WDFY3: variants seen among roughly 807,000 people sequenced by gnomAD.
The protein encoded by WDFY3 is WD repeat and FYVE domain containing 3, also known as WD repeat and FYVE domain-containing protein 3.
WDFY3 carries 66 observed loss-of-function variants against 409.6 expected under a neutral mutation model. That is an observed-to-expected ratio of 0.16 (90% confidence interval 0.13 to 0.20). The LOEUF (loss-of-function observed/expected upper bound fraction) is 0.20. Ranked by LOEUF, WDFY3 falls within the 10% of genes least tolerant of loss-of-function variation. The probability of loss-of-function intolerance (pLI) is 1.00; values close to 1 mark genes in which losing one functional copy is unlikely to be tolerated. For missense variants in WDFY3, 3,031 were observed against 4,298.1 expected (o/e 0.71, Z 8.24); for synonymous variants, 1,521 against 1,537.1 (o/e 0.99, Z 0.25).
intron 1 of WDFY3, among the ~76,000 whole-genome samples, chr4:84,948,417 TAATAG>T (rs1467355803): frequency 8.5e-5 from 13 of 152,048 alleles, no homozygotes; most frequent in Admixed American, 3.9e-4. Context: ...CAACAATACT[TAATAG>T]TATATAGAAA....
chr4:84,960,237 A>G (rs540386229), intron 1 of WDFY3, among the ~76,000 whole-genome samples: 4 of 152,302 alleles, frequency 2.6e-5, no homozygotes, highest in East Asian at 3.9e-4. Context: ...TTAATGCTAC[A>G]CAGCCACTTC....
At chr4:84,787,399 G>A in intron 23 of WDFY3, 83 bp downstream of exon 23, 1 of 1,339,566 alleles carries the variant, frequency 7.5e-7, no homozygotes, top group South Asian at 1.4e-5. Context: ...TTAACAATAT[G>A]TATAACCTCA....
intron 16 of WDFY3, 79 bp from the exon 17 acceptor site, chr4:84,801,943 CT>C: frequency 1.4e-6 from 2 of 1,407,894 alleles, no homozygotes; most frequent in African/African-American, 1.4e-5. Flanking sequence ...TGAAGCATAC[CT>C]TTTTAATTTT....
Position 84,736,471 on chromosome 4 carries a change from T to C in WDFY3, c.6758-144A>G, listed in dbSNP as rs1737446079. ...CAGATGCAGATATTACATTCAGATA[T>C]CACAAATTTATTTATTGGTAATCTT... On this transcript the variant is annotated intron_variant, in intron 41 of 67. Transcript: ENST00000295888. 1.9e-5 allele frequency: 14 copies of C among 744,604 alleles called. No homozygotes were observed. In the South Asian group the frequency reaches 5.3e-4, roughly 28 times the overall value. The allele number at this position is 744,604 out of a possible 1,614,324, so 46.1% of individuals were successfully genotyped here.
In WDFY3 at chr4:84,753,375, T is replaced by C. The variant is rs572348542; in HGVS notation, c.5739+322A>G. On this transcript the variant is annotated intron_variant, in intron 35 of 67. Coordinates refer to ENST00000295888, the MANE Select transcript of WDFY3 (RefSeq NM_014991.6). ...GAGTTATCTTAATGGAAAAGAACATTTTACAACTACACAGCTGGCATCGCG... is the reference window on the plus strand; with the variant it reads ...GAGTTATCTTAATGGAAAAGAACATCTTACAACTACACAGCTGGCATCGCG... Among the ~76,000 whole-genome samples, 11 of 152,210 alleles carry C rather than the reference T, an allele frequency of 7.2e-5. No homozygotes were observed. In the East Asian group the frequency reaches 2.1e-3, roughly 29 times the overall value.
intron 2 of WDFY3, among the ~76,000 whole-genome samples, chr4:84,901,416 T>C (rs774451079): frequency 2.8e-4 from 43 of 152,190 alleles, no homozygotes; most frequent in Non-Finnish European, 7.3e-5. Context: ...TAGCATGTGA[T>C]GTCCCCTACC....
In WDFY3 at chr4:84,849,994, G is replaced by A. The variant is rs374101641; in HGVS notation, c.212C>T (p.Thr71Ile). ...VFGNAPPNTM[T>I]EKFSDLLQFT... is the part of the protein sequence containing the mutation. ...CTGCAGAAGATCAGAAAATTTTTCT[G>A]TCATTGTATTCGGCGGAGCATTTCC... Residue 71 changes from threonine (T) to isoleucine (I), a missense_variant, in exon 5 of 68, where the codon ACA becomes ATA. By Grantham distance (89) the Thr-to-Ile change is moderately conservative. Coordinates refer to ENST00000295888, the MANE Select transcript of WDFY3 (RefSeq NM_014991.6). 5 of 1,608,310 alleles carry A rather than the reference G, an allele frequency of 3.1e-6. No homozygotes were observed. The African/African-American group carries it at 6.7e-5, about 22-fold the overall frequency.
chr4:84,787,559 A>G lies in WDFY3; in HGVS notation c.3824T>C (p.Leu1275Ser). ...AATGGTAGTAACATTTGAAGAAGGT[A>G]AAACTTCTTCTAGAAAATGTGTGGG... is the stretch of plus-strand genomic sequence containing the variant. ...LGPTHFLEEV[L>S]PSSNVTTIYE... The change falls in exon 23 of 68, where the codon TTA (leucine) becomes TCA (serine). Residue 1275 changes from leucine (L) to serine (S), a missense_variant. By Grantham distance (145) the Leu-to-Ser change is moderately radical. Transcript: ENST00000295888. The G allele has an allele frequency of 1.9e-6, 3 of 1,614,234 alleles. No individual in the cohort carries two copies. The highest frequency in any genetic ancestry group is 1.7e-6 in the Non-Finnish European group (2 of 1,180,038).
chr4:84,965,193 A>C (rs1775475368), intron 1 of WDFY3, among the ~76,000 whole-genome samples: 1 of 152,186 alleles, frequency 6.6e-6, no homozygotes. Context: ...ACCTGCTACC[A>C]AATACCAACC....
At chr4:84,736,102 G>A in intron 42 of WDFY3, 68 bp downstream of exon 42, 1 of 1,452,702 alleles carries the variant, frequency 6.9e-7, no homozygotes, top group South Asian at 1.6e-5. Flanking sequence ...CCAATCAATT[G>A]CTTGTACATG....
At chr4:84,932,819 G>A (rs1211524000) in intron 1 of WDFY3, among the ~76,000 whole-genome samples, 1 of 152,148 alleles carries the variant, frequency 6.6e-6, no homozygotes, top group East Asian at 1.9e-4. Flanking sequence ...GAGCTGAATT[G>A]ATTTGTTCTA....
Position 84,796,572 on chromosome 4 carries a change from G to A in WDFY3, c.3116C>T (p.Ser1039Leu). ...TTPHDIRLHGSSVTPAFVEFD... is the reference protein window; with the variant it reads ...TTPHDIRLHGLSVTPAFVEFD... ...TTCAACAAAAGCTGGAGTAACTGAT[G>A]ACCCATGAAGTCTGATGTCATGTGG... Residue 1039 changes from serine (S) to leucine (L), a missense_variant, in exon 19 of 68, where the codon TCA becomes TTA. Ser to Leu is a moderately radical substitution (Grantham distance 145). This residue lies in a region of WDFY3 where 1,322 missense variants were observed against 1,697.9 expected (regional missense o/e 0.78). Transcript: ENST00000295888. 1 of 1,607,408 alleles carries A rather than the reference G, an allele frequency of 6.2e-7. No individual in the cohort carries two copies. The highest frequency in any genetic ancestry group is 8.5e-7 in the Non-Finnish European group (1 of 1,176,566).
Position 84,726,847 on chromosome 4 carries a change from A to G in WDFY3, c.7272+14T>C, listed in dbSNP as rs1186987306. Reference sequence around the variant, plus strand: ...CAAGTAGTTTACATTCTTTTACTGTAATTTGTGTTTTACCTTTTGAGGAAT... The same window carrying G: ...CAAGTAGTTTACATTCTTTTACTGTGATTTGTGTTTTACCTTTTGAGGAAT... On this transcript the variant is annotated intron_variant, in intron 45 of 67. Coordinates refer to ENST00000295888, the MANE Select transcript of WDFY3 (RefSeq NM_014991.6). 3.8e-6 allele frequency: 6 copies of G among 1,592,426 alleles called. No homozygotes were observed. Among genetic ancestry groups the G allele is most frequent in the Non-Finnish European group, 5.1e-6 (6 of 1,174,064 alleles).
intron 57 of WDFY3, 107 bp downstream of exon 57, chr4:84,696,625 C>T (rs1730197840): frequency 2.7e-6 from 3 of 1,098,856 alleles, no homozygotes; most frequent in African/African-American, 1.6e-5. Context: ...GGGGACCTGG[C>T]TGTATTAGTA....
At chr4:84,707,150 G>C (rs1467335181) in intron 53 of WDFY3, among the ~76,000 whole-genome samples, 1 of 151,892 alleles carries the variant, frequency 6.6e-6, no homozygotes, top group Admixed American at 6.6e-5. Flanking sequence ...GGCTGGTCTT[G>C]AACTCCTGGA....
At position 84,695,878 on chromosome 4, in the gene WDFY3, C is replaced by A. The variant is rs540302341; in HGVS notation, c.8901+92G>T. On this transcript the variant is annotated intron_variant, in intron 58 of 67. Transcript: ENST00000295888. ...ATTTATGGCTCTTTATTAAGTTAAT[C>A]TAAACTTAATTATTTTGTGGTAATC... The A allele has an allele frequency of 4.9e-5, 59 of 1,206,712 alleles. No individual in the cohort carries two copies. In the African/African-American group the frequency reaches 7.7e-4, roughly 16 times the overall value. The allele number at this position is 1,206,712 out of a possible 1,614,324, so 74.8% of individuals were successfully genotyped here.
intron 1 of WDFY3, among the ~76,000 whole-genome samples, chr4:84,950,004 T>C (rs550516009): frequency 1.3e-5 from 2 of 152,106 alleles, no homozygotes; most frequent in Non-Finnish European, 2.9e-5. Context: ...AACCCAAATG[T>C]CCACTGATGA....
At chr4:84,875,458 T>C (rs952372880) in intron 3 of WDFY3, among the ~76,000 whole-genome samples, 10 of 152,294 alleles carry the variant, frequency 6.6e-5, no homozygotes, top group Non-Finnish European at 1.0e-4. Flanking sequence ...TCTGAATACA[T>C]TGTAGACTTT....
At chr4:84,899,985 G>T (rs1766135548) in intron 2 of WDFY3, among the ~76,000 whole-genome samples, 2 of 152,256 alleles carry the variant, frequency 1.3e-5, no homozygotes, top group East Asian at 3.9e-4. Flanking sequence ...GGAGGCAGAG[G>T]CTACATGCAA....
Sources: allele counts gnomAD v4.1 joint callset (sites outside exome capture counted in the v4.1 genomes callset), GRCh38; gene constraint gnomAD v4.1.1; regional missense constraint gnomAD v4.1.1; transcripts MANE v1.5; gene names NCBI Gene and HGNC (gene_info 2026-07-23, HGNC 2026-07-21).